The following MLLT10 variants were observed in gnomAD, a reference collection of about 807,000 sequenced individuals.
MLLT10 encodes protein AF-10.
Under a neutral mutation model 129.1 loss-of-function variants are expected in MLLT10, and 30 were observed. The observed-to-expected ratio is 0.23, with a 90% CI of 0.17 to 0.32. The LOEUF is 0.32. MLLT10 is among the 10% of genes least tolerant of loss of function. MLLT10 has a pLI of 1.00. For missense variants in MLLT10, 1,119 were observed against 1,268.3 expected, an observed-to-expected ratio of 0.88 and a Z score of 1.79; for synonymous variants, 490 against 446.4, an observed-to-expected ratio of 1.10 and a Z score of -1.23.
intron 8 of MLLT10, among the ~76,000 whole-genome samples, chr10:21,619,125 T>G (rs565935618): frequency 6.6e-6 from 1 of 151,706 alleles, no homozygotes; most frequent in Admixed American, 6.6e-5. Context: ...CTTTTTGAGG[T>G]GGTTTTGTTA....
chr10:21,681,457 C>T (rs2052730516), intron 12 of MLLT10, 81 bp downstream of exon 12: 7 of 945,418 alleles, frequency 7.4e-6, no homozygotes, highest in Non-Finnish European at 1.1e-5. Context: ...CACCTCGGAA[C>T]CTCTAAATTT....
intron 9 of MLLT10, among the ~76,000 whole-genome samples, chr10:21,655,230 T>C (rs1480114313): frequency 6.6e-6 from 1 of 152,170 alleles, no homozygotes; most frequent in African/African-American, 2.4e-5. Flanking sequence ...AGATGTATAC[T>C]GAATTCTCTA....
intron 3 of MLLT10, among the ~76,000 whole-genome samples, chr10:21,560,243 G>A (rs1340415341): frequency 6.6e-6 from 1 of 152,172 alleles, no homozygotes; most frequent in Middle Eastern, 3.2e-3. Flanking sequence ...TACCTCAGGT[G>A]ATCTGCCCGG....
intron 9 of MLLT10, among the ~76,000 whole-genome samples, chr10:21,667,851 T>C (rs1317098691): frequency 6.6e-6 from 1 of 152,176 alleles, no homozygotes; most frequent in East Asian, 1.9e-4. Flanking sequence ...TTGAAGTAAA[T>C]AATTTTTGTT....
chr10:21,717,828 TCTCCTCCTC>T (rs1187377956), intron 14 of MLLT10, among the ~76,000 whole-genome samples: 1 of 113,052 alleles, frequency 8.8e-6, no homozygotes, highest in South Asian at 3.1e-4. Context: ...TTCTCCTCCT[TCTCCTCCTC>T]CTTCTCCTCC....
At chr10:21,705,615 T>G (rs923491518) in intron 13 of MLLT10, among the ~76,000 whole-genome samples, 2 of 152,180 alleles carry the variant, frequency 1.3e-5, no homozygotes, top group African/African-American at 4.8e-5. Flanking sequence ...GCATCAGCCC[T>G]AGCAGTGGTT....
chr10:21,610,264 G>A (rs1436976320), intron 5 of MLLT10, among the ~76,000 whole-genome samples: 1 of 152,182 alleles, frequency 6.6e-6, no homozygotes, highest in Non-Finnish European at 1.5e-5. Context: ...ATCTGTGAAT[G>A]GGAGCTACCA....
chr10:21,567,868 G>T lies in MLLT10; in HGVS notation c.241-18426G>T, dbSNP rs529567434. Among the ~76,000 whole-genome samples the T allele has an allele frequency of 2.0e-5, 3 of 149,734 alleles. No individual in the cohort carries two copies. The South Asian group carries it at 6.4e-4, about 32-fold the overall frequency. On this transcript the variant is annotated intron_variant, in intron 3 of 22. Transcript: ENST00000307729. The stretch of plus-strand genomic sequence containing the variant: ...AGAGTCTCTCTCTGTCACCCAGGCT[G>T]GAGTGCAGTGGTGCGATCTCTGCTC...
intron 3 of MLLT10, among the ~76,000 whole-genome samples, chr10:21,574,359 A>G (rs2040514561): frequency 6.6e-6 from 1 of 152,212 alleles, no homozygotes; most frequent in Non-Finnish European, 1.5e-5. Flanking sequence ...TATTTAAAAA[A>G]AAATTAATTT....
intron 6 of MLLT10, among the ~76,000 whole-genome samples, chr10:21,613,281 A>G (rs2044853660): frequency 6.6e-6 from 1 of 152,078 alleles, no homozygotes; most frequent in African/African-American, 2.4e-5. Flanking sequence ...ATTTTACATA[A>G]TAGGTAACAG....
intron 3 of MLLT10, among the ~76,000 whole-genome samples, chr10:21,562,809 GTTTTTTTTGTTTTT>G (rs1186155924): frequency 3.9e-5 from 3 of 76,606 alleles, no homozygotes; most frequent in Non-Finnish European, 5.0e-5. Context: ...CATATACTTT[GTTTTTTTTGTTTTT>G]TTTTTTTTTT....
chr10:21,628,620 T>G (rs2046697274), intron 8 of MLLT10, among the ~76,000 whole-genome samples: 1 of 151,954 alleles, frequency 6.6e-6, no homozygotes, highest in Admixed American at 6.6e-5. Context: ...TTTTGTATTT[T>G]TAGTAGAGAT....
intron 8 of MLLT10, among the ~76,000 whole-genome samples, chr10:21,631,798 C>T (rs957782267): frequency 3.9e-5 from 6 of 152,192 alleles, no homozygotes; most frequent in Admixed American, 2.6e-4. Flanking sequence ...AGGTTCCCCC[C>T]CCAACACTTG....
intron 13 of MLLT10, among the ~76,000 whole-genome samples, chr10:21,709,230 CTTTT>C (rs33993302): frequency 1.4e-5 from 2 of 143,554 alleles, no homozygotes. Flanking sequence ...ATTTTATCTG[CTTTT>C]TTTTTTTTTT....
At chr10:21,735,938 C>T (rs902908697) in intron 21 of MLLT10, among the ~76,000 whole-genome samples, 1 of 152,024 alleles carries the variant, frequency 6.6e-6, no homozygotes, top group Non-Finnish European at 1.5e-5. Context: ...AAATCTATTA[C>T]GGAGGATTTC....
At chr10:21,703,669 C>T (rs1018978131) in intron 13 of MLLT10, among the ~76,000 whole-genome samples, 2 of 152,026 alleles carry the variant, frequency 1.3e-5, no homozygotes, top group Non-Finnish European at 2.9e-5. Context: ...CTCAGCCTTC[C>T]GAGTAGCTGG....
chr10:21,550,712 A>G (rs2036860038), intron 3 of MLLT10, among the ~76,000 whole-genome samples: 1 of 151,910 alleles, frequency 6.6e-6, no homozygotes, highest in Non-Finnish European at 1.5e-5. Flanking sequence ...TTGTATTTTT[A>G]GTAGAGACGG....
rs572743988 is a variant in MLLT10 at position 21,706,843 on chromosome 10, T to G, written c.1700-6929T>G. 8.5e-5 allele frequency among the ~76,000 whole-genome samples: 13 copies of G among 152,326 alleles called. No individual in the cohort carries two copies. The South Asian group carries it at 2.7e-3, about 32-fold the overall frequency. ...GTATTCTTCTCCTGAGATCACTGTT[T>G]GTCTCCATCTTTTCACATCTAGTGG... is the stretch of plus-strand genomic sequence containing the variant. On this transcript the variant is annotated intron_variant, in intron 13 of 22. Transcript: ENST00000307729.
intron 13 of MLLT10, among the ~76,000 whole-genome samples, chr10:21,693,005 A>G (rs1422804319): frequency 6.6e-6 from 1 of 152,130 alleles, no homozygotes; most frequent in Non-Finnish European, 1.5e-5. Context: ...ATCTTTTTAA[A>G]GAAACAGAAA....
Sources: allele counts gnomAD v4.1 joint callset (sites outside exome capture counted in the v4.1 genomes callset), GRCh38; gene constraint gnomAD v4.1.1; transcripts MANE v1.5; gene names NCBI Gene and HGNC (gene_info 2026-07-23, HGNC 2026-07-21).